Variants in MACC1 observed in about 807,000 individuals in gnomAD.
MACC1 encodes MET transcriptional regulator MACC1.
A neutral mutation model predicts 70.7 loss-of-function variants in MACC1; 79 were observed. The observed-to-expected ratio is 1.12, with a 90% CI of 0.93 to 1.35. The LOEUF (loss-of-function observed/expected upper bound fraction) is 1.35, where lower values mean the gene tolerates loss of function less well. MACC1 is among the 40% of genes most tolerant of loss of function. The pLI is 0.00. For missense variants in MACC1, 1,106 were observed against 978.1 expected (o/e 1.13, Z -1.74); for synonymous variants, 361 against 347.2 (o/e 1.04, Z -0.44).
At position 20,159,804 on chromosome 7, in the gene MACC1, C is replaced by A. The variant is rs375276990; in HGVS notation, c.557G>T (p.Arg186Leu). The A allele has an allele frequency of 8.1e-6, 13 of 1,613,964 alleles. No individual in the cohort carries two copies. Among genetic ancestry groups the A allele is most frequent in the Non-Finnish European group, 1.1e-5 (13 of 1,180,024 alleles). ...EAYKMAWLSQ[R>L]QLARSCLDLN... is the part of the protein sequence containing the mutation. ...ATCAAGGCAGGAGCGGGCCAGCTGG[C>A]GTTGACTTAACCAAGCCATTTTATA... is the stretch of plus-strand genomic sequence containing the variant. The change falls in exon 5 of 7, where the codon CGC becomes CTC. Residue 186 changes from arginine (R) to leucine (L), a missense_variant. Arg to Leu is a moderately radical substitution (Grantham distance 102, BLOSUM62 -2). Coordinates refer to ENST00000400331, the MANE Select transcript of MACC1 (RefSeq NM_182762.4).
chr7:20,173,776 G>T (rs1371800046), intron 1 of MACC1, among the ~76,000 whole-genome samples: 1 of 152,108 alleles, frequency 6.6e-6, no homozygotes, highest in Non-Finnish European at 1.5e-5. Context: ...TTTAAATGAT[G>T]GTGCCATGAA....
intron 1 of MACC1, among the ~76,000 whole-genome samples, chr7:20,192,207 A>C (rs1040718058): frequency 5.3e-5 from 8 of 152,152 alleles, no homozygotes; most frequent in African/African-American, 1.9e-4. Flanking sequence ...TATTCTTTCA[A>C]ATTCCAATAT....
At position 20,182,538 on chromosome 7, in the gene MACC1, C is replaced by A. The variant is rs571220966; in HGVS notation, c.-217-11760G>T. On this transcript the variant is annotated intron_variant, in intron 1 of 6. Coordinates refer to ENST00000400331, the MANE Select transcript of MACC1 (RefSeq NM_182762.4). ...ACAAGTTACAGGATATGATGCACATCGCATTCTTGCCTATTCTGAAGGGTT... is the reference window on the plus strand; with the variant it reads ...ACAAGTTACAGGATATGATGCACATAGCATTCTTGCCTATTCTGAAGGGTT... Among the ~76,000 whole-genome samples the A allele has an allele frequency of 8.5e-5, 13 of 152,276 alleles. No homozygotes were observed. In the South Asian group the frequency reaches 1.9e-3, roughly 22 times the overall value.
At chr7:20,207,954 G>A (rs1211531522) in intron 1 of MACC1, among the ~76,000 whole-genome samples, 2 of 152,086 alleles carry the variant, frequency 1.3e-5, no homozygotes, top group African/African-American at 2.4e-5. Flanking sequence ...TTGAATCATG[G>A]GGGAAGTTTC....
In MACC1 at chr7:20,159,527, G is replaced by T. The variant is rs962377935; in HGVS notation, c.834C>A (p.Gly278=). Residue 278 remains glycine (G), a synonymous_variant, in exon 5 of 7, where the codon GGC becomes GGA. Transcript: ENST00000400331. ...TVSPLLEIML[G]NLNTMEALLL... ...AAAGGGCTTCCATTGTATTGAGGTTGCCTAACATGATTTCCAACAACGGGC... is the reference window on the plus strand; with the variant it reads ...AAAGGGCTTCCATTGTATTGAGGTTTCCTAACATGATTTCCAACAACGGGC... 4 of 1,613,992 alleles carry T rather than the reference G, an allele frequency of 2.5e-6. No homozygotes were observed. In the African/African-American group the frequency reaches 5.3e-5, roughly 22 times the overall value.
intron 6 of MACC1, among the ~76,000 whole-genome samples, chr7:20,145,820 A>G (rs2128100502): frequency 6.6e-6 from 1 of 152,306 alleles, no homozygotes; most frequent in South Asian, 2.1e-4. Flanking sequence ...TACTTAATAC[A>G]CTGATAAAAA....
intron 5 of MACC1, among the ~76,000 whole-genome samples, chr7:20,157,815 A>C (rs1426378344): frequency 1.3e-5 from 2 of 151,312 alleles, no homozygotes; most frequent in Non-Finnish European, 2.9e-5. Flanking sequence ...TCCCACACAC[A>C]CTGAAAAGTA....
At chr7:20,192,887 T>C (rs557365642) in intron 1 of MACC1, among the ~76,000 whole-genome samples, 12 of 152,368 alleles carry the variant, frequency 7.9e-5, no homozygotes, top group Admixed American at 5.2e-4. Context: ...TGAAAAGTAC[T>C]ACAGGATTTG....
At chr7:20,196,207 G>T (rs2128107677) in intron 1 of MACC1, among the ~76,000 whole-genome samples, 1 of 151,980 alleles carries the variant, frequency 6.6e-6, no homozygotes, top group Non-Finnish European at 1.5e-5. Flanking sequence ...TTTTGAGATG[G>T]ATTCTCGCTG....
Position 20,138,179 on chromosome 7 carries a change from A to AAAAAAAACAAAAAAAAAAAAAC in MACC1, c.*2766_*2767insGTTTTTTTTTTTTTGTTTTTTT, listed in dbSNP as rs1562576802. On this transcript the variant is annotated 3_prime_UTR_variant, in exon 7 of 7. Coordinates refer to ENST00000400331, the MANE Select transcript of MACC1 (RefSeq NM_182762.4). ...AAAAAAAAAAAAAAAAAAAAAAAAA[A>AAAAAAAACAAAAAAAAAAAAAC]AAATTTCCCCTGGAAGGATTTGTTA... 7.2e-6 allele frequency: 1 copy of AAAAAAAACAAAAAAAAAAAAAC among 139,362 alleles called. No individual in the cohort carries two copies. Among genetic ancestry groups the AAAAAAAACAAAAAAAAAAAAAC allele is most frequent in the Non-Finnish European group, 1.6e-5 (1 of 64,310 alleles). The allele number at this position is 139,362 out of a possible 1,614,324, so 8.6% of individuals were successfully genotyped here. A position where few individuals can be genotyped will look rare whatever the true frequency, so the allele number is the denominator to read the frequency against.
intron 1 of MACC1, among the ~76,000 whole-genome samples, chr7:20,199,058 C>A (rs1168214033): frequency 6.6e-6 from 1 of 152,132 alleles, no homozygotes; most frequent in Non-Finnish European, 1.5e-5. Flanking sequence ...AGGAGAATGG[C>A]AATAATAGTA....
At chr7:20,190,502 G>C (rs773351773) in intron 1 of MACC1, among the ~76,000 whole-genome samples, 11 of 152,078 alleles carry the variant, frequency 7.2e-5, no homozygotes, top group Non-Finnish European at 1.5e-4. Context: ...GAATATATGA[G>C]CCAAGGCATA....
chr7:20,141,924 A>T (rs1781810127), intron 6 of MACC1: 1 of 143,910 alleles, frequency 6.9e-6, no homozygotes. Flanking sequence ...GACAAATTGT[A>T]GAATACACAC....
At chr7:20,193,215 T>A (rs1782698680) in intron 1 of MACC1, among the ~76,000 whole-genome samples, 1 of 152,072 alleles carries the variant, frequency 6.6e-6, no homozygotes, top group Admixed American at 6.6e-5. Context: ...AATAGAAAAA[T>A]AAACTGAAAA....
intron 1 of MACC1, among the ~76,000 whole-genome samples, chr7:20,182,350 T>C (rs746819890): frequency 2.0e-4 from 31 of 152,116 alleles, no homozygotes; most frequent in Non-Finnish European, 4.1e-4. Flanking sequence ...ATAATAATAA[T>C]AAAATTAGTG....
intron 1 of MACC1, among the ~76,000 whole-genome samples, chr7:20,209,180 C>T (rs1034443825): frequency 2.0e-5 from 3 of 152,358 alleles, no homozygotes; most frequent in African/African-American, 7.2e-5. Context: ...CACACATAGT[C>T]CGCTCTGGGG....
chr7:20,151,420 G>C (rs1781975901), intron 6 of MACC1, among the ~76,000 whole-genome samples: 1 of 152,192 alleles, frequency 6.6e-6, no homozygotes, highest in Non-Finnish European at 1.5e-5. Flanking sequence ...CTTGGCAATA[G>C]TGACATCTTT....
chr7:20,143,420 G>T (rs1023715979), intron 6 of MACC1, among the ~76,000 whole-genome samples: 1 of 152,174 alleles, frequency 6.6e-6, no homozygotes, highest in Admixed American at 6.5e-5. Context: ...ACGGAGTCTG[G>T]CTCTGTCGCC....
rs1781719451 is a variant in MACC1 at position 20,136,499 on chromosome 7, G to A, written c.*4447C>T. The A allele has an allele frequency of 6.6e-6, 1 of 152,140 alleles. No homozygotes were observed. The highest frequency in any genetic ancestry group is 2.4e-5 in the African/African-American group (1 of 41,420). 9.4% of individuals were successfully genotyped at this position (152,140 alleles called of 1,614,324 possible). On this transcript the variant is annotated 3_prime_UTR_variant, in exon 7 of 7. Transcript: ENST00000400331. Reference sequence around the variant, plus strand: ...TGCAAAAGATACACATTTCTACAATGTTCAGTGAAATCTTGATGCTGAACA... The same window carrying A: ...TGCAAAAGATACACATTTCTACAATATTCAGTGAAATCTTGATGCTGAACA...
Sources: gnomAD v4.1 joint callset for allele counts (sites outside exome capture counted in the v4.1 genomes callset) on GRCh38, gnomAD v4.1.1 for gene constraint, MANE v1.5 for transcripts, NCBI Gene and HGNC (gene_info 2026-07-23, HGNC 2026-07-21) for gene names.